ATG7: variants seen among roughly 807,000 people sequenced by gnomAD.
ATG7 encodes the protein ubiquitin-like modifier-activating enzyme ATG7.
In ATG7, 70 loss-of-function variants were observed where a neutral mutation model predicts 82.4. The observed-to-expected ratio is 0.85, with a 90% confidence interval of 0.70 to 1.04. The LOEUF (loss-of-function observed/expected upper bound fraction) is 1.04, where lower values mean the gene tolerates loss of function less well. Among genes scored for constraint, ATG7 ranks in the 50% least tolerant of loss-of-function variants. ATG7 has a pLI of 0.00. For missense variants in ATG7, 792 were observed against 864.3 expected (o/e 0.92, Z 1.05); for synonymous variants, 287 against 313.0 (o/e 0.92, Z 0.88).
chr3:11,372,110 C>T (rs1330569389), intron 18 of ATG7, among the ~76,000 whole-genome samples: 2 of 151,384 alleles, frequency 1.3e-5, no homozygotes, highest in Non-Finnish European at 2.9e-5. Flanking sequence ...TCAGCTACAA[C>T]CTGGTGCCCC....
chr3:11,370,445 G>C (rs1206085988), intron 18 of ATG7, among the ~76,000 whole-genome samples: 1 of 151,088 alleles, frequency 6.6e-6, no homozygotes, highest in Non-Finnish European at 1.5e-5. Context: ...TCTCCATTTT[G>C]GCATTGAACT....
intron 13 of ATG7, among the ~76,000 whole-genome samples, chr3:11,345,386 G>A (rs1441718336): frequency 1.3e-5 from 2 of 152,206 alleles, no homozygotes; most frequent in African/African-American, 2.4e-5. Context: ...TCCAGCCTGG[G>A]TGACAGAGCA....
intron 18 of ATG7, among the ~76,000 whole-genome samples, chr3:11,375,494 A>C (rs1015093009): frequency 2.6e-5 from 4 of 152,186 alleles, no homozygotes; most frequent in African/African-American, 9.7e-5. Context: ...AATCTACAAG[A>C]GACAACAACA....
chr3:11,573,265 A>AAG, the ATG7 span, among the ~76,000 whole-genome samples: 7 of 9,196 alleles, frequency 7.6e-4, no homozygotes, highest in African/African-American at 5.7e-3. Flanking sequence ...GAAAGAAAGA[A>AAG]AGAAAGAAAG....
Position 11,326,859 on chromosome 3 carries a change from CT to C in ATG7, c.679-4474del, listed in dbSNP as rs1559400941. On this transcript the variant is annotated intron_variant, in intron 9 of 20. Transcript: ENST00000693202. ...TCTCTCACTTCTCATCCGAAGCCCTCTTTTTTTAAATCTTACTTTCACATTC... is the reference window on the plus strand; with the variant it reads ...TCTCTCACTTCTCATCCGAAGCCCTCTTTTTTAAATCTTACTTTCACATTC... 3.3e-5 allele frequency among the ~76,000 whole-genome samples: 5 copies of C among 152,284 alleles called. No homozygotes were observed. The East Asian group carries it at 9.6e-4, about 29-fold the overall frequency.
chr3:11,353,726 T>C (rs1575644719), intron 14 of ATG7, among the ~76,000 whole-genome samples: 2 of 152,224 alleles, frequency 1.3e-5, no homozygotes, highest in South Asian at 4.1e-4. Context: ...TGCCATGTGA[T>C]GCATCTGATC....
At chr3:11,413,011 C>G (rs374350824) in intron 19 of ATG7, among the ~76,000 whole-genome samples, 2 of 151,952 alleles carry the variant, frequency 1.3e-5, no homozygotes, top group African/African-American at 4.8e-5. Flanking sequence ...TGCATAGAAA[C>G]GTAACTGGTT....
At chr3:11,307,090 A>G (rs746458099) in intron 6 of ATG7, 30 bp downstream of exon 6, 6 of 1,584,752 alleles carry the variant, frequency 3.8e-6, no homozygotes, top group South Asian at 1.1e-5. Context: ...TGTATGTGTC[A>G]TATTTCCTGT....
At position 11,362,940 on chromosome 3, in the gene ATG7, A is replaced by G. The variant is rs375621937; in HGVS notation, c.1799+12A>G. 3.7e-4 allele frequency: 597 copies of G among 1,610,060 alleles called. 1 individual carries two copies. Among genetic ancestry groups the G allele is most frequent in the Non-Finnish European group, 4.9e-4 (573 of 1,177,546 alleles). On this transcript the variant is annotated intron_variant, in intron 17 of 20. Coordinates refer to ENST00000693202, the MANE Select transcript of ATG7 (RefSeq NM_001349232.2). ...CAGCATCCAGAAGGGTGAGTTTGCT[A>G]GTAGGAGATGAGTATTTAAACAAAG...
chr3:11,390,225 A>G (rs2078683938), intron 19 of ATG7, among the ~76,000 whole-genome samples: 1 of 152,202 alleles, frequency 6.6e-6, no homozygotes, highest in Non-Finnish European at 1.5e-5. Flanking sequence ...TTTCAGTTTG[A>G]CTTGACTGAT....
chr3:11,447,426 C>T (rs1168617407), intron 20 of ATG7, among the ~76,000 whole-genome samples: 2 of 151,334 alleles, frequency 1.3e-5, no homozygotes, highest in Admixed American at 6.6e-5. Context: ...GAGATCACAC[C>T]ATTGCACTCC....
At chr3:11,380,177 A>C (rs2077776240) in intron 19 of ATG7, 125 bp downstream of exon 19, 1 of 793,878 alleles carries the variant, frequency 1.3e-6, no homozygotes, top group African/African-American at 1.7e-5. Flanking sequence ...GGTGGGGTCT[A>C]AACCCTCAGA....
chr3:11,514,311 G>A (rs906369175), intron 20 of ATG7, among the ~76,000 whole-genome samples: 3 of 152,190 alleles, frequency 2.0e-5, no homozygotes, highest in Admixed American at 2.0e-4. Context: ...ATCAGGATTT[G>A]CAAGAGAAGC....
At chr3:11,385,308 G>T (rs565530885) in intron 19 of ATG7, among the ~76,000 whole-genome samples, 2 of 152,192 alleles carry the variant, frequency 1.3e-5, no homozygotes, top group South Asian at 4.1e-4. Context: ...GATTACAGGC[G>T]TGAGCCACTG....
rs2072285167 is a variant in ATG7, at chr3:11,555,166, G to T, written c.*323G>T. On this transcript the variant is annotated 3_prime_UTR_variant, in exon 21 of 21. Coordinates refer to ENST00000693202, the MANE Select transcript of ATG7 (RefSeq NM_001349232.2). ...GATCCTTTCCCCTTGGCCCTGAGGG[G>T]GTGACCCAACACAGACCAAATGGGG... The T allele has an allele frequency of 2.6e-6, 1 of 378,104 alleles. No homozygotes were observed. Among genetic ancestry groups the T allele is most frequent in the South Asian group, 4.2e-5 (1 of 23,968 alleles). The allele number at this position is 378,104 out of a possible 1,614,324, so 23.4% of individuals were successfully genotyped here.
rs370026914 is a variant in ATG7 at position 11,317,584 on chromosome 3, C to CTTTTTTTTT, written c.678+2103_678+2111dup. 7.3e-4 allele frequency among the ~76,000 whole-genome samples: 84 copies of CTTTTTTTTT among 114,472 alleles called. 1 individual carries two copies. The highest frequency in any genetic ancestry group is 1.5e-3 in the African/African-American group (48 of 31,112). 75.1% of individuals were successfully genotyped at this position (114,472 alleles called of 152,430 possible). ...CGAAGCCTATGCCCTTTCTTTCTTT[C>CTTTTTTTTT]TTTTTTTTTTTTTTTTTTTTGTTTT... On this transcript the variant is annotated intron_variant, in intron 9 of 20. Transcript: ENST00000693202.
chr3:11,373,150 G>T (rs975528547), intron 18 of ATG7, among the ~76,000 whole-genome samples: 1 of 149,164 alleles, frequency 6.7e-6, no homozygotes, highest in African/African-American at 2.5e-5. Flanking sequence ...AGAGTAAGCT[G>T]TGTGAGACTT....
rs536753884 is a variant in ATG7, at chr3:11,547,504, G to A, written c.2080-7307G>A. ...GTGTTTGTGTACAAGTTTTTATGTGGACACGTTGTCATTTCTCTTGGGCAG... is the reference window on the plus strand; with the variant it reads ...GTGTTTGTGTACAAGTTTTTATGTGAACACGTTGTCATTTCTCTTGGGCAG... On this transcript the variant is annotated intron_variant, in intron 20 of 20. Coordinates refer to ENST00000693202, the MANE Select transcript of ATG7 (RefSeq NM_001349232.2). Among the ~76,000 whole-genome samples the A allele has an allele frequency of 5.9e-5, 9 of 152,276 alleles. No individual in the cohort carries two copies. The South Asian group carries it at 1.9e-3, about 32-fold the overall frequency.
chr3:11,297,932 CAAGG>C (rs1946210169), intron 3 of ATG7, among the ~76,000 whole-genome samples: 2 of 152,142 alleles, frequency 1.3e-5, no homozygotes. Context: ...CAGACTGACT[CAAGG>C]AAGGAAGAAG....
Sources: gnomAD v4.1 joint callset for allele counts (sites outside exome capture counted in the v4.1 genomes callset) on GRCh38, gnomAD v4.1.1 for gene constraint, MANE v1.5 for transcripts, NCBI Gene and HGNC (gene_info 2026-07-23, HGNC 2026-07-21) for gene names.